PPFIA2: variants seen among roughly 807,000 people sequenced by gnomAD.
PPFIA2 encodes PPFI scaffold protein A2, also known as liprin-alpha-2.
Under a neutral mutation model 175.5 loss-of-function variants are expected in PPFIA2, and 46 were observed. The ratio of observed to expected loss-of-function variants is 0.26; its 90% CI spans 0.21 to 0.34. PPFIA2 has a LOEUF of 0.34. Ranked by LOEUF, PPFIA2 falls within the 10% of genes least tolerant of loss-of-function variation. The pLI is 1.00. For synonymous variants in PPFIA2, 568 were observed against 511.4 expected (o/e 1.11, Z -1.49); for missense variants, 1,179 against 1,506.1 (o/e 0.78, Z 3.60).
At chr12:81,592,339 G>T (rs1443523380) in intron 4 of PPFIA2, among the ~76,000 whole-genome samples, 1 of 152,132 alleles carries the variant, frequency 6.6e-6, no homozygotes, top group Non-Finnish European at 1.5e-5. Context: ...ATGCTGAAAT[G>T]AGTTAAGATT....
At chr12:81,442,147 T>C (rs1289759577) in intron 6 of PPFIA2, among the ~76,000 whole-genome samples, 1 of 152,064 alleles carries the variant, frequency 6.6e-6, no homozygotes, top group Non-Finnish European at 1.5e-5. Flanking sequence ...TATCCAACAA[T>C]ATGAAAATGA....
chr12:81,309,062 A>G (rs1032265051), intron 22 of PPFIA2, among the ~76,000 whole-genome samples: 1 of 152,216 alleles, frequency 6.6e-6, no homozygotes, highest in Admixed American at 6.5e-5. Context: ...TTTGCATCAC[A>G]GAAAATAAAT....
chr12:81,348,013 T>C (rs551866081), intron 17 of PPFIA2, among the ~76,000 whole-genome samples: 5 of 152,242 alleles, frequency 3.3e-5, no homozygotes, highest in Admixed American at 1.3e-4. Flanking sequence ...TCCTGACAAC[T>C]TCCAGTTTTA....
chr12:81,625,404 G>C (rs2062580752), intron 4 of PPFIA2, among the ~76,000 whole-genome samples: 2 of 151,974 alleles, frequency 1.3e-5, no homozygotes, highest in African/African-American at 4.8e-5. Flanking sequence ...AGTTGTGAAG[G>C]AGGAATTTTC....
intron 4 of PPFIA2, among the ~76,000 whole-genome samples, chr12:81,473,145 C>T (rs575528118): frequency 1.4e-4 from 21 of 152,214 alleles, no homozygotes; most frequent in African/African-American, 4.1e-4. Context: ...CGGTGACTCA[C>T]GCCTGTAATC....
At chr12:81,555,509 A>G (rs1018419550) in intron 4 of PPFIA2, among the ~76,000 whole-genome samples, 1 of 151,984 alleles carries the variant, frequency 6.6e-6, no homozygotes, top group Non-Finnish European at 1.5e-5. Context: ...TTATTCTGCA[A>G]TTCTTGAAAT....
At chr12:81,512,516 T>A (rs2061926397) in intron 4 of PPFIA2, 30 of 392,498 alleles carry the variant, frequency 7.6e-5, no homozygotes, top group South Asian at 6.8e-4. Context: ...TTCTCAAAAA[T>A]GTTTAATTTC....
intron 4 of PPFIA2, among the ~76,000 whole-genome samples, chr12:81,486,216 A>G (rs1224956136): frequency 6.6e-6 from 1 of 151,756 alleles, no homozygotes; most frequent in Non-Finnish European, 1.5e-5. Flanking sequence ...CCCATTTTAC[A>G]TGTAGGGAAA....
intron 22 of PPFIA2, among the ~76,000 whole-genome samples, chr12:81,312,796 A>C (rs1030563412): frequency 6.6e-6 from 1 of 152,214 alleles, no homozygotes; most frequent in African/African-American, 2.4e-5. Context: ...TTCCAGATCC[A>C]TAATGTTATT....
chr12:81,506,449 T>C (rs1439892767), intron 4 of PPFIA2, among the ~76,000 whole-genome samples: 1 of 152,214 alleles, frequency 6.6e-6, no homozygotes, highest in Admixed American at 6.5e-5. Flanking sequence ...TTTTCTCTAT[T>C]AGAATATAAA....
At chr12:81,298,770 G>A (rs1172074560) in intron 23 of PPFIA2, among the ~76,000 whole-genome samples, 2 of 152,270 alleles carry the variant, frequency 1.3e-5, no homozygotes, top group East Asian at 3.9e-4. Context: ...TTTTATTGTA[G>A]CATTCAGTTT....
At chr12:81,339,006 A>G (rs1278433675) in intron 21 of PPFIA2, among the ~76,000 whole-genome samples, 174 bp downstream of exon 21, 2 of 152,172 alleles carry the variant, frequency 1.3e-5, no homozygotes, top group African/African-American at 2.4e-5. Flanking sequence ...ACTAAGTTGT[A>G]TTAAGCATTA....
intron 4 of PPFIA2, among the ~76,000 whole-genome samples, chr12:81,600,763 G>A (rs1429299957): frequency 1.3e-5 from 2 of 151,914 alleles, no homozygotes; most frequent in East Asian, 1.9e-4. Flanking sequence ...GTTCCCCACA[G>A]AGTTGTGAGT....
intron 4 of PPFIA2, among the ~76,000 whole-genome samples, chr12:81,632,534 T>C (rs1162237126): frequency 6.6e-6 from 1 of 152,158 alleles, no homozygotes; most frequent in Admixed American, 6.5e-5. Flanking sequence ...AGTCCATATA[T>C]ACATGTAATA....
chr12:81,318,547 TA>T (rs1187128907), intron 22 of PPFIA2, among the ~76,000 whole-genome samples: 2 of 151,706 alleles, frequency 1.3e-5, no homozygotes, highest in African/African-American at 4.8e-5. Flanking sequence ...AAATCATCCT[TA>T]AGTATATTCT....
At chr12:81,453,701 A>C (rs1163009082) in intron 5 of PPFIA2, among the ~76,000 whole-genome samples, 1 of 152,064 alleles carries the variant, frequency 6.6e-6, no homozygotes, top group Non-Finnish European at 1.5e-5. Context: ...TTTTATTAGG[A>C]TATTCTTAAT....
chr12:81,515,804 C>A (rs1040712925), intron 4 of PPFIA2, among the ~76,000 whole-genome samples: 2 of 151,970 alleles, frequency 1.3e-5, no homozygotes, highest in Admixed American at 1.3e-4. Flanking sequence ...TGAGTACATC[C>A]AGTATATCAC....
chr12:81,396,133 G>T (rs1284569410), intron 8 of PPFIA2, among the ~76,000 whole-genome samples: 1 of 151,966 alleles, frequency 6.6e-6, no homozygotes, highest in Non-Finnish European at 1.5e-5. Flanking sequence ...TAAGCTCTAA[G>T]AATCAAGATT....
At position 81,749,882 on chromosome 12, in the gene PPFIA2, TC is replaced by T. The variant is rs1197119929; in HGVS notation, c.249+4090del. Among the ~76,000 whole-genome samples, 56 of 144,070 alleles carry T rather than the reference TC, an allele frequency of 3.9e-4. 12 individuals carry two copies. The highest frequency in any genetic ancestry group is 1.1e-3 in the South Asian group (5 of 4,396). The allele number at this position is 144,070 out of a possible 152,430, so 94.5% of individuals were successfully genotyped here. On this transcript the variant is annotated intron_variant, in intron 3 of 32. Coordinates refer to ENST00000549396, the MANE Select transcript of PPFIA2 (RefSeq NM_003625.5). ...TTCCTATTTCAAGTTTATTGTTCTT[TC>T]TACATCAAAATGCACATATATTTAC...
Sources: gnomAD v4.1 joint callset for allele counts (sites outside exome capture counted in the v4.1 genomes callset) on GRCh38, gnomAD v4.1.1 for gene constraint, MANE v1.5 for transcripts, NCBI Gene and HGNC (gene_info 2026-07-23, HGNC 2026-07-21) for gene names.